FAM193A: variants seen among roughly 807,000 people sequenced by gnomAD.
FAM193A encodes the protein protein FAM193A.
FAM193A carries 22 observed loss-of-function variants against 126.5 expected under a neutral mutation model. The ratio of observed to expected loss-of-function variants is 0.17; its 90% CI spans 0.12 to 0.25. The LOEUF is 0.25. Ranked by LOEUF, FAM193A falls within the 10% of genes least tolerant of loss-of-function variation. The pLI is 1.00. For missense variants in FAM193A, 1,675 were observed against 1,672.8 expected, an observed-to-expected ratio of 1.00 and a Z score of -0.02; for synonymous variants, 761 against 646.8, an observed-to-expected ratio of 1.18 and a Z score of -2.68.
chr4:2,672,502 C>T (rs140617792), intron 13 of FAM193A, 130 bp downstream of exon 13: 1 of 929,752 alleles, frequency 1.1e-6, no homozygotes, highest in African/African-American at 1.7e-5. Flanking sequence ...AGGAAGGTCT[C>T]CAAGTGTTTC....
Position 2,660,128 on chromosome 4 carries a change from C to T in FAM193A, c.1745+74C>T, listed in dbSNP as rs1712243286. 4 of 1,460,702 alleles carry T rather than the reference C, an allele frequency of 2.7e-6. No individual in the cohort carries two copies. In the African/African-American group the frequency reaches 5.6e-5, roughly 20 times the overall value. 90.5% of individuals were successfully genotyped at this position (1,460,702 alleles called of 1,614,324 possible). ...TAATGAGAAATACATACAGTAATGTCCACAGAAGTATGAACATCATTATTG... is the reference window on the plus strand; with the variant it reads ...TAATGAGAAATACATACAGTAATGTTCACAGAAGTATGAACATCATTATTG... On this transcript the variant is annotated intron_variant, in intron 10 of 20. Coordinates refer to ENST00000637812, the MANE Select transcript of FAM193A (RefSeq NM_001366318.2).
chr4:2,686,206 A>G (rs1169436455), intron 13 of FAM193A, among the ~76,000 whole-genome samples: 1 of 152,240 alleles, frequency 6.6e-6, no homozygotes, highest in Non-Finnish European at 1.5e-5. Context: ...TTGTCCCTAC[A>G]ACTGGGCTTC....
intron 2 of FAM193A, among the ~76,000 whole-genome samples, chr4:2,619,710 A>C (rs773563568): frequency 2.0e-5 from 3 of 151,070 alleles, no homozygotes. Flanking sequence ...TTTTGAGACA[A>C]TGTCTCTCTC....
chr4:2,585,068 G>T (rs1328639011), intron 1 of FAM193A, among the ~76,000 whole-genome samples: 1 of 152,118 alleles, frequency 6.6e-6, no homozygotes, highest in Admixed American at 6.6e-5. Context: ...AGATTTATTT[G>T]TTTTGAACTT....
intron 2 of FAM193A, among the ~76,000 whole-genome samples, chr4:2,610,444 C>T (rs1355832173): frequency 6.6e-6 from 1 of 152,164 alleles, no homozygotes; most frequent in African/African-American, 2.4e-5. Context: ...CAGTGAACTT[C>T]ATGAAAGTAG....
At position 2,620,757 on chromosome 4, in the gene FAM193A, AC is replaced by A. The variant is rs1742491566; in HGVS notation, c.502-4502del. Among the ~76,000 whole-genome samples, 4 of 146,984 alleles carry A rather than the reference AC, an allele frequency of 2.7e-5. No homozygotes were observed. In the South Asian group the frequency reaches 8.6e-4, roughly 31 times the overall value. Reference sequence around the variant, plus strand: ...CCAGCTACTCAGGAGAATCGTTTGAACCCAGGAGGCGGAGTTTGCAGTGAGC... The same window carrying A: ...CCAGCTACTCAGGAGAATCGTTTGAACCAGGAGGCGGAGTTTGCAGTGAGC... On this transcript the variant is annotated intron_variant, in intron 2 of 20. Coordinates refer to ENST00000637812, the MANE Select transcript of FAM193A (RefSeq NM_001366318.2).
chr4:2,688,603 C>CAG (rs940497989), intron 13 of FAM193A, among the ~76,000 whole-genome samples: 13 of 152,154 alleles, frequency 8.5e-5, no homozygotes, highest in African/African-American at 3.1e-4. Context: ...CTTTGCAGGC[C>CAG]AGAGCCTTGG....
intron 13 of FAM193A, among the ~76,000 whole-genome samples, chr4:2,681,712 C>T (rs1044531018): frequency 6.6e-6 from 1 of 152,180 alleles, no homozygotes; most frequent in African/African-American, 2.4e-5. Flanking sequence ...AGTCCTCCTG[C>T]CTCAGCCTCC....
intron 19 of FAM193A, among the ~76,000 whole-genome samples, chr4:2,709,054 T>A (rs1718634012): frequency 6.6e-6 from 1 of 152,146 alleles, no homozygotes; most frequent in South Asian, 2.1e-4. Context: ...TAAAAAAATT[T>A]AATGTTAAAA....
intron 1 of FAM193A, among the ~76,000 whole-genome samples, chr4:2,561,731 A>G (rs1472649883): frequency 4.6e-5 from 7 of 151,842 alleles, no homozygotes; most frequent in African/African-American, 1.7e-4. Context: ...TCCTGATCTC[A>G]AGTGATCTGC....
chr4:2,699,885 A>G lies in FAM193A; in HGVS notation c.3713A>G (p.Lys1238Arg). The G allele has an allele frequency of 6.2e-7, 1 of 1,614,088 alleles. No individual in the cohort carries two copies. The highest frequency in any genetic ancestry group is 8.5e-7 in the Non-Finnish European group (1 of 1,180,000). ...GAGAGGCCAAGTAAAGACTGCCCCAAGTTGGACATGCTCACTAGAAATTTC... is the reference window on the plus strand; with the variant it reads ...GAGAGGCCAAGTAAAGACTGCCCCAGGTTGGACATGCTCACTAGAAATTTC... ...KKERPSKDCP[K>R]LDMLTRNFQA... The change falls in exon 19 of 21, where the codon AAG becomes AGG. Residue 1238 changes from lysine (K) to arginine (R), a missense_variant. Lys to Arg is a conservative substitution (Grantham distance 26). Around this residue, in one of 4 missense-constraint regions of FAM193A, gnomAD observed 415 missense variants for 396.7 expected, o/e 1.05. Coordinates refer to ENST00000637812, the MANE Select transcript of FAM193A (RefSeq NM_001366318.2).
chr4:2,612,960 G>T (rs921276336), intron 2 of FAM193A, among the ~76,000 whole-genome samples: 2 of 152,196 alleles, frequency 1.3e-5, no homozygotes, highest in Non-Finnish European at 2.9e-5. Context: ...AGAAAAGCCT[G>T]TTGGGATTTT....
intron 2 of FAM193A, among the ~76,000 whole-genome samples, chr4:2,603,897 T>TA (rs1741372593): frequency 6.6e-6 from 1 of 151,978 alleles, no homozygotes; most frequent in African/African-American, 2.4e-5. Context: ...GGCTGGAGTG[T>TA]AGTGGCACGA....
intron 19 of FAM193A, among the ~76,000 whole-genome samples, chr4:2,714,491 G>A (rs1719333380): frequency 6.6e-6 from 1 of 152,018 alleles, no homozygotes; most frequent in Non-Finnish European, 1.5e-5. Context: ...AACACACCCA[G>A]CCTTCATTCC....
At chr4:2,722,395 A>G (rs950537319) in intron 20 of FAM193A, among the ~76,000 whole-genome samples, 1 of 152,194 alleles carries the variant, frequency 6.6e-6, no homozygotes, top group Non-Finnish European at 1.5e-5. Flanking sequence ...GAAGCTGTGC[A>G]GTGGTTTGGA....
At chr4:2,678,360 G>A (rs188183921) in intron 13 of FAM193A, among the ~76,000 whole-genome samples, 1 of 120,162 alleles carries the variant, frequency 8.3e-6, no homozygotes, top group East Asian at 2.3e-4. Context: ...GGTTTTGGTG[G>A]TTTTTTTTTT....
intron 10 of FAM193A, 73 bp downstream of exon 10, chr4:2,660,127 TC>T: frequency 6.8e-7 from 1 of 1,466,800 alleles, no homozygotes; most frequent in Non-Finnish European, 9.4e-7. Context: ...TACAGTAATG[TC>T]CACAGAAGTA....
chr4:2,607,833 C>T (rs937009146), intron 2 of FAM193A: 3 of 586,358 alleles, frequency 5.1e-6, no homozygotes, highest in Non-Finnish European at 8.9e-6. Flanking sequence ...TGTGGGATTT[C>T]TTTATATACA....
chr4:2,554,110 G>C (rs1046458405), intron 1 of FAM193A, among the ~76,000 whole-genome samples: 16 of 151,950 alleles, frequency 1.1e-4, no homozygotes, highest in Admixed American at 6.6e-5. Flanking sequence ...TTTGAGACTA[G>C]GTCTTACTCT....
Sources: gnomAD v4.1 joint callset for allele counts (sites outside exome capture counted in the v4.1 genomes callset) on GRCh38, gnomAD v4.1.1 for gene constraint, gnomAD v4.1.1 regional missense constraint, MANE v1.5 for transcripts, NCBI Gene and HGNC (gene_info 2026-07-23, HGNC 2026-07-21) for gene names.